The following PRKCQ variants were observed in gnomAD, a reference collection of about 807,000 sequenced individuals.
PRKCQ encodes the protein protein kinase C theta.
Under a neutral mutation model 91.2 loss-of-function variants are expected in PRKCQ, and 41 were observed. The observed-to-expected ratio is 0.45, with a 90% CI of 0.35 to 0.58. The LOEUF (loss-of-function observed/expected upper bound fraction) is 0.58, where lower values mean the gene tolerates loss of function less well. PRKCQ is among the 20% of genes least tolerant of loss of function. PRKCQ has a pLI of 0.00. For missense variants in PRKCQ, 673 were observed against 896.5 expected (o/e 0.75, Z 3.18); for synonymous variants, 307 against 316.9 (o/e 0.97, Z 0.33).
intron 8 of PRKCQ, chr10:6,489,517 G>A: frequency 2.0e-6 from 1 of 512,322 alleles, no homozygotes; most frequent in Non-Finnish European, 4.0e-6. Context: ...CCCTACTTAA[G>A]ACGACGGCCT....
chr10:6,445,330 G>A (rs1295817469), intron 15 of PRKCQ, among the ~76,000 whole-genome samples: 1 of 152,000 alleles, frequency 6.6e-6, no homozygotes, highest in Non-Finnish European at 1.5e-5. Context: ...GTCTCTCTAA[G>A]GCAGACTTGC....
intron 15 of PRKCQ, among the ~76,000 whole-genome samples, chr10:6,443,614 T>C (rs1409587313): frequency 1.3e-5 from 2 of 152,202 alleles, no homozygotes; most frequent in African/African-American, 4.8e-5. Context: ...GTTGAACTCA[T>C]AGAAGCTGAG....
chr10:6,432,872 C>T (rs1280356898), intron 16 of PRKCQ, among the ~76,000 whole-genome samples: 1 of 152,128 alleles, frequency 6.6e-6, no homozygotes, highest in African/African-American at 2.4e-5. Context: ...TCCATCTTGC[C>T]ATGAGATACC....
chr10:6,515,209 T>G, intron 1 of PRKCQ, 65 bp from the exon 2 acceptor site: 1 of 1,604,092 alleles, frequency 6.2e-7, no homozygotes, highest in African/African-American at 1.3e-5. Flanking sequence ...TGGTGCCCCA[T>G]GTCTACTTAA....
intron 1 of PRKCQ, among the ~76,000 whole-genome samples, chr10:6,568,226 A>AAAAAC (rs1156452581): frequency 6.6e-6 from 1 of 152,156 alleles, no homozygotes; most frequent in South Asian, 2.1e-4. Context: ...CAAAAAAGAA[A>AAAAAC]AAAACAAAAC....
intron 1 of PRKCQ, among the ~76,000 whole-genome samples, chr10:6,538,178 G>T (rs1432989973): frequency 1.3e-5 from 2 of 152,218 alleles, no homozygotes; most frequent in Non-Finnish European, 2.9e-5. Flanking sequence ...CCTGCTCTAA[G>T]GTGAGGCCCA....
At chr10:6,420,588 AT>A in the PRKCQ span, among the ~76,000 whole-genome samples, 1 of 152,046 alleles carries the variant, frequency 6.6e-6, no homozygotes, top group Non-Finnish European at 1.5e-5. Flanking sequence ...GCAGAGGATA[AT>A]TTTTTTGAGA....
At chr10:6,455,868 T>A (rs962510330) in intron 15 of PRKCQ, among the ~76,000 whole-genome samples, 1 of 152,182 alleles carries the variant, frequency 6.6e-6, no homozygotes, top group Non-Finnish European at 1.5e-5. Flanking sequence ...TACAATTATT[T>A]CGAAATGAAA....
intron 1 of PRKCQ, among the ~76,000 whole-genome samples, chr10:6,541,193 C>T (rs1839763298): frequency 6.6e-6 from 1 of 152,224 alleles, no homozygotes; most frequent in South Asian, 2.1e-4. Context: ...TCCTGTTCAT[C>T]ATAATGTTCT....
intron 16 of PRKCQ, among the ~76,000 whole-genome samples, chr10:6,439,712 T>G (rs139918020): frequency 6.6e-6 from 1 of 152,258 alleles, no homozygotes; most frequent in African/African-American, 2.4e-5. Context: ...GCTTCTTAGA[T>G]TGTAAGAATA....
downstream of PRKCQ, among the ~76,000 whole-genome samples, chr10:6,424,710 C>T (rs140589531): frequency 7.2e-5 from 11 of 152,192 alleles, no homozygotes; most frequent in East Asian, 1.2e-3. Flanking sequence ...GGCTGATTTA[C>T]GACTTCTTCC....
chr10:6,491,560 T>A, intron 8 of PRKCQ, 123 bp downstream of exon 8: 13 of 1,341,540 alleles, frequency 9.7e-6, no homozygotes, highest in Non-Finnish European at 1.2e-5. Context: ...CTTATGATCA[T>A]GACTTGTCTG....
At chr10:6,571,013 T>C (rs1588436447) in intron 1 of PRKCQ, among the ~76,000 whole-genome samples, 2 of 151,924 alleles carry the variant, frequency 1.3e-5, no homozygotes, top group Non-Finnish European at 2.9e-5. Context: ...AGCTGCTGAG[T>C]GCGAGGGGAC....
intron 4 of PRKCQ, among the ~76,000 whole-genome samples, chr10:6,506,754 T>C (rs949527266): frequency 2.0e-5 from 3 of 152,184 alleles, no homozygotes; most frequent in Non-Finnish European, 4.4e-5. Flanking sequence ...AAAATTAATT[T>C]AGGAAAAAAT....
chr10:6,477,386 A>G (rs1292052215), intron 12 of PRKCQ, among the ~76,000 whole-genome samples: 1 of 152,172 alleles, frequency 6.6e-6, no homozygotes, highest in Non-Finnish European at 1.5e-5. Context: ...AAGTGCATTT[A>G]TTCATTGATT....
At chr10:6,575,498 G>A (rs1356776350) in intron 1 of PRKCQ, among the ~76,000 whole-genome samples, 1 of 152,168 alleles carries the variant, frequency 6.6e-6, no homozygotes, top group Non-Finnish European at 1.5e-5. Flanking sequence ...TACCTACCGG[G>A]ACATTCTGTT....
chr10:6,442,075 G>A lies in PRKCQ; in HGVS notation c.1654C>T (p.Leu552=), dbSNP rs1408576417. Residue 552 remains leucine, a synonymous_variant, in exon 16 of 18, where the codon CTG becomes TTG. Coordinates refer to ENST00000263125, the MANE Select transcript of PRKCQ (RefSeq NM_006257.5). ...TPDYIAPEIL[L]GQKYNHSVDW... Reference sequence around the variant, plus strand: ...ACAGAGTGGTTGTATTTCTGACCCAGCAAGATCTGCACAACCAAAAGGCAG... The same window carrying A: ...ACAGAGTGGTTGTATTTCTGACCCAACAAGATCTGCACAACCAAAAGGCAG... The A allele has an allele frequency of 1.2e-6, 2 of 1,610,850 alleles. No homozygotes were observed. The highest frequency in any genetic ancestry group is 1.7e-6 in the Non-Finnish European group (2 of 1,177,380).
chr10:6,556,514 G>A (rs1057285292), intron 1 of PRKCQ, among the ~76,000 whole-genome samples: 5 of 151,886 alleles, frequency 3.3e-5, no homozygotes, highest in Non-Finnish European at 2.9e-5. Context: ...AGAGTAGAAG[G>A]GGGTGGCCTG....
intron 8 of PRKCQ, 106 bp from the exon 9 acceptor site, chr10:6,486,250 A>T (rs961260589): frequency 9.0e-6 from 8 of 885,352 alleles, no homozygotes; most frequent in Admixed American, 4.2e-5. Context: ...AGGAAAGCCT[A>T]AAGTGCCACG....
Sources: gnomAD v4.1 joint callset for allele counts (sites outside exome capture counted in the v4.1 genomes callset) on GRCh38, gnomAD v4.1.1 for gene constraint, MANE v1.5 for transcripts, NCBI Gene and HGNC (gene_info 2026-07-23, HGNC 2026-07-21) for gene names.